Variants in ZC3H4 observed in about 807,000 individuals in gnomAD.
ZC3H4 encodes the protein zinc finger CCCH domain-containing protein 4.
ZC3H4 carries 13 observed loss-of-function variants against 108.3 expected under a neutral mutation model. The observed-to-expected ratio is 0.12, with a 90% CI of 0.08 to 0.19. The LOEUF is 0.19. Ranked by LOEUF, ZC3H4 falls within the 10% of genes least tolerant of loss-of-function variation. The probability of loss-of-function intolerance (pLI) is 1.00; values close to 1 mark genes in which losing one functional copy is unlikely to be tolerated. For synonymous variants in ZC3H4, 917 were observed against 749.6 expected, an observed-to-expected ratio of 1.22 and a Z score of -3.65; for missense variants, 1,734 against 1,838.8, an observed-to-expected ratio of 0.94 and a Z score of 1.04.
intron 1 of ZC3H4, among the ~76,000 whole-genome samples, chr19:47,113,120 G>A (rs55731973): frequency 6.6e-6 from 1 of 152,154 alleles, no homozygotes; most frequent in Non-Finnish European, 1.5e-5. Flanking sequence ...ACAAAATGGC[G>A]GCTCGGCCCG....
At chr19:47,100,748 G>C (rs2057893435) in intron 2 of ZC3H4, among the ~76,000 whole-genome samples, 1 of 152,082 alleles carries the variant, frequency 6.6e-6, no homozygotes, top group South Asian at 2.1e-4. Context: ...GCCCAGGCTG[G>C]AGTGCAGTGG....
At chr19:47,102,112 C>T (rs2057911789) in intron 2 of ZC3H4, among the ~76,000 whole-genome samples, 2 of 152,156 alleles carry the variant, frequency 1.3e-5, no homozygotes, top group Admixed American at 1.3e-4. Context: ...GGTCCCCAAG[C>T]AGTTATTTAA....
At chr19:47,099,840 A>T (rs1310757905) in intron 2 of ZC3H4, among the ~76,000 whole-genome samples, 1 of 151,532 alleles carries the variant, frequency 6.6e-6, no homozygotes, top group Non-Finnish European at 1.5e-5. Context: ...AAAAAAAAAA[A>T]AAAAGGCAAA....
chr19:47,069,110 C>G lies in ZC3H4; in HGVS notation c.2380G>C (p.Asp794His). The change falls in exon 14 of 15, where the codon GAC (aspartate) becomes CAC (histidine). Residue 794 changes from aspartate to histidine, a missense_variant. This residue lies in a region of ZC3H4 where 540 missense variants were observed against 484.1 expected (regional missense o/e 1.12). Transcript: ENST00000253048. ...CACGTGCCTTCCTCATTCTCCCGGT[C>G]CTGCTTGCTGCTCTCAGCCAGCCTC... ...ARRLAESSKQ[D>H]RENEEGDTGN... is the part of the protein sequence containing the mutation. The G allele has an allele frequency of 6.2e-7, 1 of 1,604,098 alleles. No individual in the cohort carries two copies. The highest frequency in any genetic ancestry group is 8.5e-7 in the Non-Finnish European group (1 of 1,179,916).
At position 47,065,621 on chromosome 19, in the gene ZC3H4, C is replaced by G. The variant is rs1312526811; in HGVS notation, c.*735G>C. 6.5e-6 allele frequency: 1 copy of G among 152,960 alleles called. No homozygotes were observed. Among genetic ancestry groups the G allele is most frequent in the Non-Finnish European group, 1.5e-5 (1 of 68,336 alleles). 9.5% of individuals were successfully genotyped at this position (152,960 alleles called of 1,614,324 possible). The stretch of plus-strand genomic sequence containing the variant: ...CAGGACTCTGCCCCACACCGGCCCC[C>G]ACTACCTTTGGGTCCAGTTCTCACT... On this transcript the variant is annotated 3_prime_UTR_variant, in exon 15 of 15. Coordinates refer to ENST00000253048, the MANE Select transcript of ZC3H4 (RefSeq NM_015168.2).
intron 6 of ZC3H4, 85 bp downstream of exon 6, chr19:47,086,299 C>T: frequency 6.5e-7 from 1 of 1,539,282 alleles, no homozygotes; most frequent in South Asian, 1.2e-5. Context: ...CCTACCTTGG[C>T]CTCACAGCCT....
At chr19:47,094,774 C>A (rs915209496) in intron 2 of ZC3H4, among the ~76,000 whole-genome samples, 166 bp from the exon 3 acceptor site, 2 of 152,192 alleles carry the variant, frequency 1.3e-5, no homozygotes, top group African/African-American at 2.4e-5. Flanking sequence ...CCCTTATCCT[C>A]CCCCTGAAAG....
intron 2 of ZC3H4, chr19:47,096,872 T>C (rs2057829224): frequency 1.0e-6 from 1 of 985,312 alleles, no homozygotes. Flanking sequence ...CTGGGTCAGC[T>C]GAGCCGGAGT....
intron 2 of ZC3H4, among the ~76,000 whole-genome samples, chr19:47,097,674 G>A (rs1196382547): frequency 1.3e-5 from 2 of 152,178 alleles, no homozygotes; most frequent in Non-Finnish European, 2.9e-5. Context: ...TTAACAGACT[G>A]CCGGCAAAAT....
At position 47,090,033 on chromosome 19, in the gene ZC3H4, A is replaced by G; in HGVS notation, c.649T>C (p.Tyr217His). Reference sequence around the variant, plus strand: ...TTCAGCTCTTTGGTGAAGTCGTCATAGTCCTCCTTGCCCATGTCCTCCTCC... The same window carrying G: ...TTCAGCTCTTTGGTGAAGTCGTCATGGTCCTCCTTGCCCATGTCCTCCTCC... The part of the protein sequence containing the change: ...DEEEDMGKED[Y>H]DDFTKELNQY... Residue 217 changes from tyrosine (Y) to histidine (H), a missense_variant, in exon 5 of 15, where the codon TAT becomes CAT. Physicochemically the swap from Tyr to His is moderately conservative, Grantham distance 83 (BLOSUM62 2). Coordinates refer to ENST00000253048, the MANE Select transcript of ZC3H4 (RefSeq NM_015168.2). The G allele has an allele frequency of 6.2e-7, 1 of 1,614,192 alleles. No homozygotes were observed. Among genetic ancestry groups the G allele is most frequent in the East Asian group, 2.2e-5 (1 of 44,882 alleles).
In ZC3H4 at chr19:47,090,004, C is replaced by T. The variant is rs1600074908; in HGVS notation, c.678G>A (p.Gln226=). The change falls in exon 5 of 15, where the codon CAG becomes CAA. Residue 226 remains glutamine, a synonymous_variant. Transcript: ENST00000253048. The part of the protein sequence containing the change: ...DYDDFTKELN[Q]YRRAKEGSSR... ...TGCTGCCCTCCTTGGCACGCCGGTA[C>T]TGGTTCAGCTCTTTGGTGAAGTCGT... 1.9e-6 allele frequency: 3 copies of T among 1,614,228 alleles called. No homozygotes were observed. Among genetic ancestry groups the T allele is most frequent in the East Asian group, 2.2e-5 (1 of 44,880 alleles).
chr19:47,082,675 T>C (rs898493176), intron 9 of ZC3H4, among the ~76,000 whole-genome samples: 20 of 152,194 alleles, frequency 1.3e-4, no homozygotes, highest in Non-Finnish European at 1.9e-4. Flanking sequence ...TTGGATGTGA[T>C]GCTCGGAGGC....
In ZC3H4 at chr19:47,066,385, C is replaced by T. The variant is rs2057193812; in HGVS notation, c.3883G>A (p.Asp1295Asn). The T allele has an allele frequency of 6.4e-7, 1 of 1,565,208 alleles. No individual in the cohort carries two copies. The change falls in exon 15 of 15, where the codon GAC becomes AAC. Residue 1295 changes from aspartate to asparagine, a missense_variant. This residue lies in a region of ZC3H4 where 518 missense variants were observed against 499.6 expected (regional missense o/e 1.04). Transcript: ENST00000253048. ...ASLKDVFKGFDPTASPFCQ is the reference protein window; with the variant it reads ...ASLKDVFKGFNPTASPFCQ The stretch of plus-strand genomic sequence containing the variant: ...TGGCAAAAGGGGGAGGCCGTGGGGT[C>T]GAAGCCTTTAAAAACATCCTTCAGG...
chr19:47,098,593 G>A (rs936452358), intron 2 of ZC3H4, among the ~76,000 whole-genome samples: 5 of 151,804 alleles, frequency 3.3e-5, no homozygotes, highest in East Asian at 1.9e-4. Flanking sequence ...GCGAAACTCC[G>A]TCTCTACTAA....
chr19:47,110,565 C>T (rs567500130), intron 2 of ZC3H4, among the ~76,000 whole-genome samples: 4 of 152,150 alleles, frequency 2.6e-5, no homozygotes, highest in South Asian at 2.1e-4. Context: ...GGTCTAAAGG[C>T]GAGGAGGAAG....
At chr19:47,074,348 G>A (rs1332486421) in intron 11 of ZC3H4, among the ~76,000 whole-genome samples, 1 of 152,192 alleles carries the variant, frequency 6.6e-6, no homozygotes. Context: ...CTCCAAGAGG[G>A]CAGGACTGTT....
rs369624758 is a variant in ZC3H4 at position 47,066,895 on chromosome 19, C to T, written c.3373G>A (p.Val1125Met). The change falls in exon 15 of 15, where the codon GTG (valine) becomes ATG (methionine). Residue 1125 changes from valine to methionine, a missense_variant. Physicochemically the swap from Val to Met is conservative, Grantham distance 21 (BLOSUM62 1). Coordinates refer to ENST00000253048, the MANE Select transcript of ZC3H4 (RefSeq NM_015168.2). ...PPATAPYDPR[V>M]LAAGGLGQGG... ...TGGCCCAGTCCACCGGCCGCCAGCA[C>T]GCGGGGGTCGTAGGGAGCGGTGGCT... is the stretch of plus-strand genomic sequence containing the variant. 5 of 1,597,640 alleles carry T rather than the reference C, an allele frequency of 3.1e-6. No homozygotes were observed. Among genetic ancestry groups the T allele is most frequent in the African/African-American group, 1.3e-5 (1 of 74,866 alleles).
chr19:47,084,629 G>C (rs889354875), intron 8 of ZC3H4, among the ~76,000 whole-genome samples, 174 bp from the exon 9 acceptor site: 1 of 152,212 alleles, frequency 6.6e-6, no homozygotes, highest in East Asian at 1.9e-4. Context: ...TAAGCCCCAC[G>C]GTGTGGGGTG....
chr19:47,085,861 ACTTCTT>A (rs890324465), intron 6 of ZC3H4, among the ~76,000 whole-genome samples: 1 of 151,996 alleles, frequency 6.6e-6, no homozygotes, highest in Admixed American at 6.6e-5. Flanking sequence ...ATCCTGTGAT[ACTTCTT>A]CTTTTTCTTT....
Sources: gnomAD v4.1 joint callset for allele counts (sites outside exome capture counted in the v4.1 genomes callset) on GRCh38, gnomAD v4.1.1 for gene constraint, gnomAD v4.1.1 regional missense constraint, MANE v1.5 for transcripts, NCBI Gene and HGNC (gene_info 2026-07-23, HGNC 2026-07-21) for gene names.